The following SLC14A2 variants were observed in gnomAD, a reference collection of about 807,000 sequenced individuals.
SLC14A2 encodes the protein solute carrier family 14 member 2, also known as urea transporter 2.
In SLC14A2, 91 loss-of-function variants were observed where a neutral mutation model predicts 104.6. The ratio of observed to expected loss-of-function variants is 0.87; its 90% CI spans 0.73 to 1.04. SLC14A2 has a LOEUF of 1.04. Among genes scored for constraint, SLC14A2 ranks in the 50% least tolerant of loss-of-function variants. The probability of loss-of-function intolerance (pLI) is 0.00; values close to 1 mark genes in which losing one functional copy is unlikely to be tolerated. For synonymous variants in SLC14A2, 476 were observed against 466.4 expected (o/e 1.02, Z -0.27); for missense variants, 1,189 against 1,156.0 (o/e 1.03, Z -0.41).
At chr18:45,253,070 C>T (rs1398248411) in intron 1 of SLC14A2, among the ~76,000 whole-genome samples, 1 of 152,128 alleles carries the variant, frequency 6.6e-6, no homozygotes. Context: ...TTTTCCTGCT[C>T]CAATTCTTAA....
In SLC14A2 at chr18:45,668,032, A is replaced by G. The variant is rs753799589; in HGVS notation, c.1907+10A>G. 6.2e-7 allele frequency: 1 copy of G among 1,613,476 alleles called. No individual in the cohort carries two copies. The highest frequency in any genetic ancestry group is 8.5e-7 in the Non-Finnish European group (1 of 1,179,404). ...TCCTGAGTCAGGACAAGTAAGTCCC[A>G]GAGGCTCAGGGTCCAAACATGTAGC... is the stretch of plus-strand genomic sequence containing the variant. On this transcript the variant is annotated intron_variant, in intron 14 of 19. Coordinates refer to ENST00000255226, the MANE Select transcript of SLC14A2 (RefSeq NM_007163.4).
chr18:45,621,212 A>T (rs2045162468), intron 1 of SLC14A2, among the ~76,000 whole-genome samples: 1 of 152,220 alleles, frequency 6.6e-6, no homozygotes, highest in Non-Finnish European at 1.5e-5. Flanking sequence ...GTCGGATTTC[A>T]CTGTCTCCTA....
At chr18:45,305,783 C>A (rs1445306796) in intron 1 of SLC14A2, among the ~76,000 whole-genome samples, 2 of 152,134 alleles carry the variant, frequency 1.3e-5, no homozygotes, top group Admixed American at 1.3e-4. Context: ...TTTATGACTC[C>A]AAATGACCTT....
intron 1 of SLC14A2, among the ~76,000 whole-genome samples, chr18:45,295,638 C>T (rs1235236384): frequency 6.6e-6 from 1 of 152,168 alleles, no homozygotes; most frequent in East Asian, 1.9e-4. Flanking sequence ...ATCAGTCCTC[C>T]CAGCGAGGCG....
chr18:45,245,209 G>A (rs2084357138), intron 1 of SLC14A2, among the ~76,000 whole-genome samples: 1 of 152,210 alleles, frequency 6.6e-6, no homozygotes, highest in East Asian at 1.9e-4. Flanking sequence ...AAGTGGGAAA[G>A]GGGTTTGAGG....
intron 1 of SLC14A2, among the ~76,000 whole-genome samples, chr18:45,463,871 C>T (rs116761761): frequency 2.0e-5 from 3 of 152,130 alleles, no homozygotes; most frequent in African/African-American, 7.2e-5. Flanking sequence ...GCTTTGCCTC[C>T]GTATTGATGA....
At chr18:45,416,249 C>CTTTTTTTTTTTT (rs2086275863) in intron 1 of SLC14A2, among the ~76,000 whole-genome samples, 1 of 139,860 alleles carries the variant, frequency 7.2e-6, no homozygotes, top group African/African-American at 2.7e-5. Flanking sequence ...TTTTTTGTTT[C>CTTTTTTTTTTTT]CTTTTTTTTT....
At chr18:45,171,167 A>G in the SLC14A2 span, among the ~76,000 whole-genome samples, 1 of 152,170 alleles carries the variant, frequency 6.6e-6, no homozygotes, top group East Asian at 1.9e-4. Flanking sequence ...AATTTTTATC[A>G]CACATATGTT....
At chr18:45,179,439 G>T in the SLC14A2 span, among the ~76,000 whole-genome samples, 1 of 152,040 alleles carries the variant, frequency 6.6e-6, no homozygotes. Flanking sequence ...TTTTAGCTCT[G>T]GCAGTTTCTT....
At chr18:45,172,513 G>A in the SLC14A2 span, among the ~76,000 whole-genome samples, 1 of 152,056 alleles carries the variant, frequency 6.6e-6, no homozygotes, top group African/African-American at 2.4e-5. Context: ...TGTTTGTTGG[G>A]TCATAAAAAC....
Position 45,229,249 on chromosome 18 carries a change from C to T in SLC14A2, c.-125+16058C>T, listed in dbSNP as rs370989299. ...TTCTGTAGTAGATGCTGGAGATACACGCAGATTGAAGCCAGGTCCTGCCTT... is the reference window on the plus strand; with the variant it reads ...TTCTGTAGTAGATGCTGGAGATACATGCAGATTGAAGCCAGGTCCTGCCTT... On this transcript the variant is annotated intron_variant, in intron 1 of 20. Transcript: ENST00000586448. Among the ~76,000 whole-genome samples, 17 of 152,130 alleles carry T rather than the reference C, an allele frequency of 1.1e-4. No homozygotes were observed. The South Asian group carries it at 1.2e-3, about 11-fold the overall frequency.
At chr18:45,417,735 A>G (rs1411609478) in intron 1 of SLC14A2, among the ~76,000 whole-genome samples, 2 of 152,204 alleles carry the variant, frequency 1.3e-5, no homozygotes, top group African/African-American at 4.8e-5. Flanking sequence ...TGTTGATAAT[A>G]ATTGTCATTG....
the SLC14A2 span, among the ~76,000 whole-genome samples, chr18:45,178,361 A>G: frequency 6.6e-6 from 1 of 152,184 alleles, no homozygotes; most frequent in Non-Finnish European, 1.5e-5. Context: ...AAACATAAGT[A>G]GATGAAATGA....
intron 2 of SLC14A2, among the ~76,000 whole-genome samples, chr18:45,532,375 A>C (rs1361522128): frequency 6.6e-6 from 1 of 152,060 alleles, no homozygotes; most frequent in Non-Finnish European, 1.5e-5. Context: ...CTTTGATTTC[A>C]TTGAGCACTG....
chr18:45,632,200 C>A (rs1216892949), intron 4 of SLC14A2, 150 bp from the exon 5 acceptor site: 19 of 787,200 alleles, frequency 2.4e-5, no homozygotes, highest in Middle Eastern at 3.8e-4. Context: ...AGCTATGTGA[C>A]TGCCCAATAT....
At chr18:45,378,177 G>A (rs1179561536) in intron 1 of SLC14A2, among the ~76,000 whole-genome samples, 1 of 151,944 alleles carries the variant, frequency 6.6e-6, no homozygotes, top group African/African-American at 2.4e-5. Context: ...CTAAGGCTTG[G>A]GACTGGGTCT....
intron 2 of SLC14A2, among the ~76,000 whole-genome samples, chr18:45,566,992 A>G (rs1186995267): frequency 6.6e-6 from 1 of 151,964 alleles, no homozygotes; most frequent in Non-Finnish European, 1.5e-5. Context: ...TGAGGACTTC[A>G]GGACATATAG....
intron 1 of SLC14A2, among the ~76,000 whole-genome samples, chr18:45,442,523 C>G (rs2086696931): frequency 6.6e-6 from 1 of 152,148 alleles, no homozygotes; most frequent in African/African-American, 2.4e-5. Context: ...GTCTCTATAT[C>G]CAAATTTCCT....
chr18:45,610,571 A>T (rs1371362061), upstream of SLC14A2, among the ~76,000 whole-genome samples: 2 of 152,196 alleles, frequency 1.3e-5, no homozygotes, highest in Non-Finnish European at 2.9e-5. Flanking sequence ...TGAAGCTGAA[A>T]GGGAAGGGGA....
Sources: allele counts gnomAD v4.1 joint callset (sites outside exome capture counted in the v4.1 genomes callset), GRCh38; gene constraint gnomAD v4.1.1; transcripts MANE v1.5; gene names NCBI Gene and HGNC (gene_info 2026-07-23, HGNC 2026-07-21).